Variants in PHACTR1 observed in about 807,000 individuals in gnomAD.
PHACTR1 encodes phosphatase and actin regulator 1, also known as RPEL repeat containing 1.
PHACTR1 carries 16 observed loss-of-function variants against 69.2 expected under a neutral mutation model. The ratio of observed to expected loss-of-function variants is 0.23; its 90% CI spans 0.16 to 0.35. The LOEUF (loss-of-function observed/expected upper bound fraction) is 0.35, where lower values mean the gene tolerates loss of function less well. Among genes scored for constraint, PHACTR1 ranks in the 10% least tolerant of loss-of-function variants. The pLI is 1.00. For missense variants in PHACTR1, 510 were observed against 734.7 expected (o/e 0.69, Z 3.54); for synonymous variants, 312 against 284.5 (o/e 1.10, Z -0.97).
At position 13,283,698 on chromosome 6, in the gene PHACTR1, C is replaced by T. The variant is rs434923; in HGVS notation, c.1650+136C>T. On this transcript the variant is annotated intron_variant, in intron 13 of 14. Coordinates refer to ENST00000332995, the MANE Select transcript of PHACTR1 (RefSeq NM_030948.6). The surrounding 1 kb of genome is among the most constrained non-coding windows in gnomAD (Gnocchi z 4.7). The stretch of plus-strand genomic sequence containing the variant: ...TCCCCATAATGGAGTGTTGAGACCC[C>T]AACACCTTTCCCCAGGGGCCACAGA... 0.084 allele frequency: 108,865 copies of T among 1,288,486 alleles called. 6,828 individuals are homozygous for T. Among genetic ancestry groups the T allele is most frequent in the Admixed American group, 0.32 (16,994 of 53,120 alleles). 79.8% of individuals were successfully genotyped at this position (1,288,486 alleles called of 1,614,324 possible). A position where few individuals can be genotyped will look rare whatever the true frequency, so the allele number is the denominator to read the frequency against.
intron 4 of PHACTR1, among the ~76,000 whole-genome samples, chr6:13,013,338 T>G (rs1799658243): frequency 6.6e-6 from 1 of 152,182 alleles, no homozygotes; most frequent in South Asian, 2.1e-4. Context: ...TCTGCTCCAG[T>G]GAAAGTCAAG....
chr6:12,862,457 C>T (rs371183618), intron 4 of PHACTR1, among the ~76,000 whole-genome samples: 1 of 152,070 alleles, frequency 6.6e-6, no homozygotes, highest in Non-Finnish European at 1.5e-5. Flanking sequence ...CTCTACTGTC[C>T]ATCTCAGGGT....
chr6:12,806,814 A>C (rs528551958), intron 4 of PHACTR1, among the ~76,000 whole-genome samples: 1 of 152,326 alleles, frequency 6.6e-6, no homozygotes, highest in East Asian at 1.9e-4. Flanking sequence ...AATACTTTAC[A>C]TCAAAATCCC....
At chr6:13,000,614 G>GAGGAAGGAAGGA (rs796923836) in intron 4 of PHACTR1, among the ~76,000 whole-genome samples, 31,271 of 103,416 alleles carry the variant, frequency 0.3, 5,536 homozygotes, top group Middle Eastern at 0.35. Flanking sequence ...GGAGGGAAGG[G>GAGGAAGGAAGGA]AGGAAGGAAG....
At chr6:12,875,865 G>A (rs146237905) in intron 4 of PHACTR1, among the ~76,000 whole-genome samples, 24 of 152,182 alleles carry the variant, frequency 1.6e-4, no homozygotes, top group Non-Finnish European at 2.6e-4. Context: ...AATCTCCACC[G>A]TGCTCTTTAC....
At chr6:12,861,954 A>G (rs1780984766) in intron 4 of PHACTR1, among the ~76,000 whole-genome samples, 1 of 152,234 alleles carries the variant, frequency 6.6e-6, no homozygotes, top group Non-Finnish European at 1.5e-5. Flanking sequence ...CCATGTATGT[A>G]TTACAAAATG....
chr6:12,782,904 A>G (rs946467953), intron 4 of PHACTR1, among the ~76,000 whole-genome samples: 1 of 152,194 alleles, frequency 6.6e-6, no homozygotes, highest in Non-Finnish European at 1.5e-5. Flanking sequence ...TCAGTTGGGA[A>G]ATTTAGAGGG....
At chr6:12,960,267 G>A (rs1164747907) in intron 4 of PHACTR1, among the ~76,000 whole-genome samples, 1 of 152,202 alleles carries the variant, frequency 6.6e-6, no homozygotes, top group Non-Finnish European at 1.5e-5. Context: ...GCCTGAAAAA[G>A]TACTTGCTAT....
chr6:12,848,751 T>C (rs1779536413), intron 4 of PHACTR1, among the ~76,000 whole-genome samples: 1 of 152,230 alleles, frequency 6.6e-6, no homozygotes, highest in South Asian at 2.1e-4. Context: ...CAAATGGCTT[T>C]CTGCTGTCAG....
chr6:12,941,899 T>C (rs1446706311), intron 4 of PHACTR1, among the ~76,000 whole-genome samples: 1 of 152,206 alleles, frequency 6.6e-6, no homozygotes, highest in Non-Finnish European at 1.5e-5. Context: ...TGAGTGGACC[T>C]GAATTAACTA....
At chr6:12,964,752 A>G (rs1461916983) in intron 4 of PHACTR1, among the ~76,000 whole-genome samples, 1 of 152,214 alleles carries the variant, frequency 6.6e-6, no homozygotes, top group Non-Finnish European at 1.5e-5. Flanking sequence ...ATAAATAATA[A>G]TGATAATAAA....
At chr6:13,072,936 A>T (rs998330881) in intron 5 of PHACTR1, among the ~76,000 whole-genome samples, 1 of 152,108 alleles carries the variant, frequency 6.6e-6, no homozygotes, top group Non-Finnish European at 1.5e-5. Context: ...TCAAGTAGGG[A>T]AGTAGGATGT....
At position 13,283,759 on chromosome 6, in the gene PHACTR1, C is replaced by A; in HGVS notation, c.1650+197C>A. The A allele has an allele frequency of 1.3e-6, 1 of 743,452 alleles. No individual in the cohort carries two copies. The highest frequency in any genetic ancestry group is 2.2e-6 in the Non-Finnish European group (1 of 460,468). 46.1% of individuals were successfully genotyped at this position (743,452 alleles called of 1,614,324 possible). A position where few individuals can be genotyped will look rare whatever the true frequency, so the allele number is the denominator to read the frequency against. On this transcript the variant is annotated intron_variant, in intron 13 of 14. Transcript: ENST00000332995. This position sits in a 1 kb window ranked among gnomAD's most constrained non-coding sequence, Gnocchi z 4.7. ...AAAGGCTGCTGAATCGGAGAAAACACAAGGCACATAATACTGTGCCCATTT... is the reference window on the plus strand; with the variant it reads ...AAAGGCTGCTGAATCGGAGAAAACAAAAGGCACATAATACTGTGCCCATTT...
intron 4 of PHACTR1, among the ~76,000 whole-genome samples, chr6:12,994,432 C>T (rs1797181530): frequency 6.6e-6 from 1 of 151,980 alleles, no homozygotes; most frequent in African/African-American, 2.4e-5. Context: ...GGGTGTTATA[C>T]TGAGAAGCTA....
rs1432297574 is a variant in PHACTR1, at chr6:13,031,814, A to G, written c.251-21551A>G. ...TTTCTTTTTGACTCACCTTTGCCCA[A>G]GGAATACAATAGTAGTAAGAAAAAT... On this transcript the variant is annotated intron_variant, in intron 4 of 14. Coordinates refer to ENST00000332995, the MANE Select transcript of PHACTR1 (RefSeq NM_030948.6). Among the ~76,000 whole-genome samples, 7 of 152,252 alleles carry G rather than the reference A, an allele frequency of 4.6e-5. 1 individual carries two copies. Among genetic ancestry groups the G allele is most frequent in the Admixed American group, 3.3e-4 (5 of 15,286 alleles).
At chr6:13,015,984 C>A (rs1191115508) in intron 4 of PHACTR1, among the ~76,000 whole-genome samples, 1 of 152,172 alleles carries the variant, frequency 6.6e-6, no homozygotes, top group Non-Finnish European at 1.5e-5. Flanking sequence ...CATTTAATCA[C>A]CAAAATGGAG....
At chr6:13,125,887 A>G (rs1426907937) in intron 5 of PHACTR1, among the ~76,000 whole-genome samples, 1 of 152,020 alleles carries the variant, frequency 6.6e-6, no homozygotes, top group Non-Finnish European at 1.5e-5. Context: ...CCATGATCGT[A>G]CCACTACGCT....
Position 13,190,198 on chromosome 6 carries a change from A to ATTTTTTTTTTTTTTTTTTT in PHACTR1, c.664+7528_664+7529insTTTTTTTTTTTTTTTTTTT, listed in dbSNP as rs1215055032. 1.4e-3 allele frequency among the ~76,000 whole-genome samples: 118 copies of ATTTTTTTTTTTTTTTTTTT among 87,218 alleles called. 13 individuals are homozygous for ATTTTTTTTTTTTTTTTTTT. The highest frequency in any genetic ancestry group is 2.0e-3 in the African/African-American group (43 of 21,068). 57.2% of individuals were successfully genotyped at this position (87,218 alleles called of 152,430 possible). On this transcript the variant is annotated intron_variant, in intron 7 of 14. Transcript: ENST00000332995. Reference sequence around the variant, plus strand: ...GCCACTATGCTCAGCTAATTTTTGTATTTTTTTTTTTTTTTTAGTAGAGGT... The same window carrying ATTTTTTTTTTTTTTTTTTT: ...GCCACTATGCTCAGCTAATTTTTGTATTTTTTTTTTTTTTTTTTTTTTTTTTTTTTTTTTTAGTAGAGGT...
intron 5 of PHACTR1, among the ~76,000 whole-genome samples, chr6:13,095,678 G>A (rs1009605596): frequency 5.9e-5 from 9 of 151,654 alleles, no homozygotes; most frequent in Admixed American, 4.6e-4. Context: ...AAAGGGTGGA[G>A]GAAGGGACAT....
Sources: allele counts gnomAD v4.1 joint callset (sites outside exome capture counted in the v4.1 genomes callset), GRCh38; gene constraint gnomAD v4.1.1; non-coding constraint Gnocchi (gnomAD v3.1); transcripts MANE v1.5; gene names NCBI Gene and HGNC (gene_info 2026-07-23, HGNC 2026-07-21).